The following CIT variants were observed in gnomAD, a reference collection of about 807,000 sequenced individuals.
The protein encoded by CIT is citron rho-interacting serine/threonine kinase.
CIT carries 79 observed loss-of-function variants against 272.7 expected under a neutral mutation model. The ratio of observed to expected loss-of-function variants is 0.29; its 90% CI spans 0.24 to 0.35. The LOEUF is 0.35. CIT is among the 10% of genes least tolerant of loss of function. CIT has a pLI of 1.00. For missense variants in CIT, 1,909 were observed against 2,618.3 expected, an observed-to-expected ratio of 0.73 and a Z score of 5.91; for synonymous variants, 948 against 995.6, an observed-to-expected ratio of 0.95 and a Z score of 0.90.
At position 119,770,573 on chromosome 12, in the gene CIT, C is replaced by T. The variant is rs941942176; in HGVS notation, c.2208+212G>A. On this transcript the variant is annotated intron_variant, in intron 18 of 47. Transcript: ENST00000392521. This position sits in a 1 kb window ranked among gnomAD's most constrained non-coding sequence, Gnocchi z 4.4. ...AGGCTGTAGCAAACAGAGCAAAAAA[C>T]GATATTTACGGATCTGTTACCAGTG... is the stretch of plus-strand genomic sequence containing the variant. 2.7e-5 allele frequency among the ~76,000 whole-genome samples: 4 copies of T among 150,024 alleles called. No individual in the cohort carries two copies. Among genetic ancestry groups the T allele is most frequent in the East Asian group, 3.9e-4 (2 of 5,144 alleles).
chr12:119,708,147 T>C (rs778578363), intron 40 of CIT, 32 bp downstream of exon 40: 1 of 1,475,570 alleles, frequency 6.8e-7, no homozygotes, highest in Non-Finnish European at 9.0e-7. Context: ...TTCCAGAACA[T>C]TCCACCAGCT....
Position 119,770,975 on chromosome 12 carries a change from C to A in CIT, c.2083-65G>T. 1 of 1,564,090 alleles carries A rather than the reference C, an allele frequency of 6.4e-7. No individual in the cohort carries two copies. The highest frequency in any genetic ancestry group is 1.2e-5 in the South Asian group (1 of 83,436). ...ACCGCTATGGGCATAACACCTGCAC[C>A]GAGGGAAAGAGCCCTCAAGAAGCAT... On this transcript the variant is annotated intron_variant, in intron 17 of 47. Transcript: ENST00000392521. The surrounding 1 kb of genome is among the most constrained non-coding windows in gnomAD (Gnocchi z 4.4).
chr12:119,869,939 G>A (rs1950620030), intron 2 of CIT, among the ~76,000 whole-genome samples: 1 of 152,162 alleles, frequency 6.6e-6, no homozygotes, highest in Non-Finnish European at 1.5e-5. Context: ...GTGTTTGGGA[G>A]TTCACTGCAG....
intron 9 of CIT, among the ~76,000 whole-genome samples, chr12:119,808,020 TTTTTTG>T (rs924851911): frequency 1.2e-4 from 19 of 152,180 alleles, no homozygotes; most frequent in South Asian, 4.1e-4. Flanking sequence ...CTTGAGGTTG[TTTTTTG>T]TTTTTGTTTT....
Position 119,690,390 on chromosome 12 carries a change from G to A in CIT, c.5947C>T (p.Pro1983Ser). The A allele has an allele frequency of 6.3e-7, 1 of 1,597,206 alleles. No individual in the cohort carries two copies. The highest frequency in any genetic ancestry group is 1.7e-5 in the Admixed American group (1 of 58,932). ...EHITKRVASSPAPPEGPSHPR... is the reference protein window; with the variant it reads ...EHITKRVASSSAPPEGPSHPR... ...TGGCTGGGGCCTTCGGGCGGCGCTG[G>A]GCTGGAGGCCACGCGCTTGGTGATG... Residue 1983 changes from proline (P) to serine (S), a missense_variant, in exon 47 of 48, where the codon CCA (proline) becomes TCA (serine). Physicochemically the swap from Pro to Ser is moderately conservative, Grantham distance 74 (BLOSUM62 -1). Coordinates refer to ENST00000392521, the MANE Select transcript of CIT (RefSeq NM_001206999.2). This position sits in a 1 kb window ranked among gnomAD's most constrained non-coding sequence, Gnocchi z 6.0.
At position 119,784,270 on chromosome 12, in the gene CIT, C is replaced by G. The variant is rs770580306; in HGVS notation, c.1402-219G>C. 14 of 1,569,444 alleles carry G rather than the reference C, an allele frequency of 8.9e-6. No homozygotes were observed. Among genetic ancestry groups the G allele is most frequent in the African/African-American group, 1.4e-5 (1 of 74,048 alleles). On this transcript the variant is annotated intron_variant, in intron 11 of 47. Transcript: ENST00000392521. The surrounding 1 kb of genome is among the most constrained non-coding windows in gnomAD (Gnocchi z 4.7). ...TAAGTCACTCCTCTCATTCAAGTCCCGGTTCACACTTGATCACTTCTCTAA... is the reference window on the plus strand; with the variant it reads ...TAAGTCACTCCTCTCATTCAAGTCCGGGTTCACACTTGATCACTTCTCTAA...
At chr12:119,779,259 T>A (rs987803484) in intron 13 of CIT, among the ~76,000 whole-genome samples, 1 of 151,982 alleles carries the variant, frequency 6.6e-6, no homozygotes, top group Admixed American at 6.6e-5. Flanking sequence ...GGCCAGAACA[T>A]GAGCTGTATG....
intron 27 of CIT, among the ~76,000 whole-genome samples, chr12:119,729,643 C>T (rs1445049991): frequency 6.6e-6 from 1 of 152,140 alleles, no homozygotes; most frequent in African/African-American, 2.4e-5. Flanking sequence ...AACATAAGCA[C>T]AGAGACTGCA....
At chr12:119,738,227 T>C (rs1290897462) in intron 24 of CIT, among the ~76,000 whole-genome samples, 1 of 152,206 alleles carries the variant, frequency 6.6e-6, no homozygotes, top group Non-Finnish European at 1.5e-5. Flanking sequence ...TAGAAGTGTT[T>C]ATTCACTTTT....
intron 9 of CIT, among the ~76,000 whole-genome samples, chr12:119,807,320 T>C (rs1966667617): frequency 6.6e-6 from 1 of 152,216 alleles, no homozygotes; most frequent in Admixed American, 6.5e-5. Context: ...TACTTTAAAA[T>C]CTGGTTGCTG....
intron 23 of CIT, among the ~76,000 whole-genome samples, chr12:119,748,771 C>T (rs565840176): frequency 6.6e-6 from 1 of 152,312 alleles, no homozygotes; most frequent in South Asian, 2.1e-4. Flanking sequence ...AGTCACTTGA[C>T]AGAATCGGTA....
At chr12:119,873,911 A>G (rs1236375659) in intron 2 of CIT, among the ~76,000 whole-genome samples, 1 of 152,214 alleles carries the variant, frequency 6.6e-6, no homozygotes, top group Non-Finnish European at 1.5e-5. Flanking sequence ...ATACTATTCT[A>G]TGCTGAGTAT....
intron 3 of CIT, among the ~76,000 whole-genome samples, chr12:119,862,458 C>T (rs866736100): frequency 7.2e-5 from 11 of 152,028 alleles, no homozygotes; most frequent in African/African-American, 1.9e-4. Context: ...ATATTCTAAA[C>T]GTTTGTGCCC....
intron 19 of CIT, among the ~76,000 whole-genome samples, chr12:119,765,519 G>A (rs1962343091): frequency 7.1e-6 from 1 of 141,790 alleles, no homozygotes; most frequent in South Asian, 2.2e-4. Context: ...CACCCAGGCT[G>A]GAGTGAAGTG....
At chr12:119,742,898 C>T (rs12831047) in intron 23 of CIT, 5 of 145,420 alleles carry the variant, frequency 3.4e-5, no homozygotes, top group Non-Finnish European at 7.5e-5. Context: ...CACACACATA[C>T]ACACAGAAAC....
chr12:119,782,865 T>C (rs1191508603), intron 12 of CIT: 11 of 446,392 alleles, frequency 2.5e-5, no homozygotes, highest in Non-Finnish European at 4.4e-5. Flanking sequence ...AGCCGGAAAC[T>C]GCATCAGCCT....
intron 7 of CIT, among the ~76,000 whole-genome samples, chr12:119,831,878 AG>A (rs1483518832): frequency 1.3e-5 from 2 of 152,294 alleles, no homozygotes; most frequent in East Asian, 3.9e-4. Context: ...TCAAAAAAAA[AG>A]AAAAAAGAAA....
At chr12:119,730,725 A>C in intron 26 of CIT, 95 bp from the exon 27 acceptor site, 1 of 1,366,164 alleles carries the variant, frequency 7.3e-7, no homozygotes, top group Non-Finnish European at 1.0e-6. Context: ...GAGCAACTAA[A>C]CAGGCTGCAG....
At chr12:119,765,927 A>G (rs1052266478) in intron 19 of CIT, among the ~76,000 whole-genome samples, 2 of 152,214 alleles carry the variant, frequency 1.3e-5, no homozygotes, top group African/African-American at 2.4e-5. Context: ...TATCAAAGAG[A>G]TATCTGCACT....
Sources: gnomAD v4.1 joint callset for allele counts (sites outside exome capture counted in the v4.1 genomes callset) on GRCh38, gnomAD v4.1.1 for gene constraint, Gnocchi (gnomAD v3.1) non-coding constraint, MANE v1.5 for transcripts, NCBI Gene and HGNC (gene_info 2026-07-23, HGNC 2026-07-21) for gene names.